RALGAPA2: variants seen among roughly 807,000 people sequenced by gnomAD.
RALGAPA2 encodes Ral GTPase activating protein catalytic subunit alpha 2, also known as ral GTPase-activating protein subunit alpha-2.
Under a neutral mutation model 230.4 loss-of-function variants are expected in RALGAPA2, and 139 were observed. The observed-to-expected ratio is 0.60, with a 90% CI of 0.53 to 0.69. RALGAPA2 has a LOEUF of 0.69. RALGAPA2 is among the 30% of genes least tolerant of loss of function. RALGAPA2 has a pLI of 0.00. For synonymous variants in RALGAPA2, 847 were observed against 837.8 expected (o/e 1.01, Z -0.19); for missense variants, 2,163 against 2,276.0 (o/e 0.95, Z 1.01).
intron 25 of RALGAPA2, 72 bp downstream of exon 25, chr20:20,536,584 T>C (rs1276860116): frequency 5.3e-6 from 8 of 1,508,878 alleles, no homozygotes; most frequent in Non-Finnish European, 7.2e-6. Context: ...TATACACTAA[T>C]GGAAGAGATA....
At chr20:20,493,179 C>T (rs1602534254) in intron 36 of RALGAPA2, among the ~76,000 whole-genome samples, 1 of 152,154 alleles carries the variant, frequency 6.6e-6, no homozygotes. Context: ...ACAGACTTTC[C>T]CTCCGCAAGC....
chr20:20,695,004 C>T (rs1057448370), intron 1 of RALGAPA2, among the ~76,000 whole-genome samples: 1 of 152,090 alleles, frequency 6.6e-6, no homozygotes, highest in South Asian at 2.1e-4. Flanking sequence ...ACTTCCAGGG[C>T]GTTCGAGAAA....
intron 36 of RALGAPA2, among the ~76,000 whole-genome samples, chr20:20,479,072 G>A (rs1472458383): frequency 1.3e-5 from 2 of 151,902 alleles, no homozygotes; most frequent in African/African-American, 4.8e-5. Flanking sequence ...ATACAATTTA[G>A]CAAACACAGA....
At chr20:20,528,467 T>G (rs2063284556) in intron 27 of RALGAPA2, among the ~76,000 whole-genome samples, 1 of 152,000 alleles carries the variant, frequency 6.6e-6, no homozygotes, top group Non-Finnish European at 1.5e-5. Context: ...CGATGGGTAT[T>G]CAATGGGCAT....
chr20:20,591,995 C>T (rs925091866), intron 16 of RALGAPA2, among the ~76,000 whole-genome samples: 1 of 152,130 alleles, frequency 6.6e-6, no homozygotes, highest in African/African-American at 2.4e-5. Context: ...TTCCCCCCAG[C>T]TCATTTCTAA....
intron 4 of RALGAPA2, among the ~76,000 whole-genome samples, chr20:20,647,089 G>T (rs1019012255): frequency 9.9e-5 from 15 of 152,038 alleles, no homozygotes; most frequent in African/African-American, 3.4e-4. Context: ...TCTCATTTTA[G>T]ATTGTAAGAA....
At chr20:20,665,716 G>A (rs573938828) in intron 3 of RALGAPA2, among the ~76,000 whole-genome samples, 1 of 152,310 alleles carries the variant, frequency 6.6e-6, no homozygotes, top group East Asian at 1.9e-4. Context: ...TTTATATTTT[G>A]TTCCCACCTT....
At chr20:20,402,954 G>GT (rs2122690625) in intron 38 of RALGAPA2, among the ~76,000 whole-genome samples, 2 of 152,296 alleles carry the variant, frequency 1.3e-5, no homozygotes, top group East Asian at 3.9e-4. Flanking sequence ...TGGGCTCCTT[G>GT]TTCCTTGATT....
At chr20:20,455,449 G>A (rs1410988645) in intron 37 of RALGAPA2, among the ~76,000 whole-genome samples, 4 of 152,140 alleles carry the variant, frequency 2.6e-5, no homozygotes, top group African/African-American at 4.8e-5. Flanking sequence ...CCACCTCCTC[G>A]CCTGTCAGCT....
At chr20:20,676,806 C>T (rs537432624) in intron 2 of RALGAPA2, among the ~76,000 whole-genome samples, 2 of 152,084 alleles carry the variant, frequency 1.3e-5, no homozygotes, top group Non-Finnish European at 1.5e-5. Flanking sequence ...AAGTGCTTGG[C>T]GCATATCATT....
intron 3 of RALGAPA2, among the ~76,000 whole-genome samples, chr20:20,665,067 A>T (rs969659191): frequency 1.3e-5 from 2 of 152,088 alleles, no homozygotes; most frequent in African/African-American, 4.8e-5. Flanking sequence ...TTTTTGTACA[A>T]CTCTCTCCTA....
chr20:20,402,459 C>G (rs1212471668), intron 38 of RALGAPA2, among the ~76,000 whole-genome samples: 1 of 152,198 alleles, frequency 6.6e-6, no homozygotes, highest in African/African-American at 2.4e-5. Context: ...GTGCTCATGA[C>G]CACTGGAACT....
intron 37 of RALGAPA2, among the ~76,000 whole-genome samples, chr20:20,452,511 T>C (rs1158602511): frequency 6.6e-6 from 1 of 152,224 alleles, no homozygotes; most frequent in Non-Finnish European, 1.5e-5. Context: ...GCGGAAGGGC[T>C]GTCTCCTCCC....
At chr20:20,476,642 G>A (rs2061655143) in intron 36 of RALGAPA2, among the ~76,000 whole-genome samples, 2 of 149,416 alleles carry the variant, frequency 1.3e-5, no homozygotes, top group Non-Finnish European at 3.0e-5. Flanking sequence ...GGATAGGCAA[G>A]GATTTTTTAG....
intron 20 of RALGAPA2, among the ~76,000 whole-genome samples, chr20:20,576,290 G>A (rs950063782): frequency 2.6e-5 from 4 of 152,100 alleles, no homozygotes; most frequent in Admixed American, 1.3e-4. Flanking sequence ...TTAGTTTTTA[G>A]GTAATTCTTT....
chr20:20,496,427 G>A (rs1434652722), intron 35 of RALGAPA2, among the ~76,000 whole-genome samples: 1 of 152,106 alleles, frequency 6.6e-6, no homozygotes, highest in Non-Finnish European at 1.5e-5. Context: ...TAAAATGTTG[G>A]CCAAAATTGA....
chr20:20,655,600 A>T (rs866797364), intron 3 of RALGAPA2, among the ~76,000 whole-genome samples: 4 of 151,588 alleles, frequency 2.6e-5, no homozygotes, highest in South Asian at 2.1e-4. Context: ...GAAGGGGAGG[A>T]GATGGGCCTG....
chr20:20,395,899 C>A (rs2059704286), intron 39 of RALGAPA2, among the ~76,000 whole-genome samples: 1 of 152,246 alleles, frequency 6.6e-6, no homozygotes, highest in African/African-American at 2.4e-5. Flanking sequence ...TCAGGAACGG[C>A]AGCTCGCTCA....
At chr20:20,645,053 T>C (rs1361471415) in intron 4 of RALGAPA2, among the ~76,000 whole-genome samples, 1 of 152,022 alleles carries the variant, frequency 6.6e-6, no homozygotes, top group African/African-American at 2.4e-5. Context: ...TTGGTGCTTG[T>C]TAGTCCTTCC....
Sources: allele counts gnomAD v4.1 joint callset (sites outside exome capture counted in the v4.1 genomes callset), GRCh38; gene constraint gnomAD v4.1.1; transcripts MANE v1.5; gene names NCBI Gene and HGNC (gene_info 2026-07-23, HGNC 2026-07-21).